SNX3: variants seen among roughly 807,000 people sequenced by gnomAD.
SNX3 encodes sorting nexin-3.
In SNX3, 5 loss-of-function variants were observed where a neutral mutation model predicts 17.7. The ratio of observed to expected loss-of-function variants is 0.28; its 90% CI spans 0.15 to 0.59. SNX3 has a LOEUF of 0.59. Ranked by LOEUF, SNX3 falls within the 20% of genes least tolerant of loss-of-function variation. SNX3 has a pLI of 0.88. For synonymous variants in SNX3, 91 were observed against 76.5 expected (o/e 1.19, Z -0.99); for missense variants, 132 against 206.8 (o/e 0.64, Z 2.22).
intron 1 of SNX3, among the ~76,000 whole-genome samples, chr6:108,239,217 T>C (rs1775445572): frequency 6.6e-6 from 1 of 152,152 alleles, no homozygotes; most frequent in Non-Finnish European, 1.5e-5. Flanking sequence ...ACACCTTTTC[T>C]GATTCCTGGA....
At chr6:108,216,960 G>C (rs1774604118) in intron 2 of SNX3, among the ~76,000 whole-genome samples, 1 of 152,144 alleles carries the variant, frequency 6.6e-6, no homozygotes, top group Admixed American at 6.5e-5. Context: ...TTAGTTGAGA[G>C]TTAAAATCTG....
chr6:108,240,967 C>T (rs1775499978), intron 1 of SNX3, among the ~76,000 whole-genome samples: 1 of 151,436 alleles, frequency 6.6e-6, no homozygotes, highest in South Asian at 2.1e-4. Flanking sequence ...ACGGTGAAAC[C>T]CTGTCTCTAC....
intron 1 of SNX3, among the ~76,000 whole-genome samples, chr6:108,244,463 CTGTTTGTTT>C (rs1775621352): frequency 6.6e-6 from 1 of 151,960 alleles, no homozygotes; most frequent in African/African-American, 2.4e-5. Flanking sequence ...CCCCTCCATA[CTGTTTGTTT>C]CCATATTTAT....
At position 108,212,092 on chromosome 6, in the gene SNX3, C is replaced by T. The variant is rs1774423272; in HGVS notation, c.*57G>A. ...TGCAGCATGCTAAAAGTTAGAACTT[C>T]TTCACTGGTGCTTATCAATCATTAA... On this transcript the variant is annotated 3_prime_UTR_variant, in exon 4 of 4. Transcript: ENST00000230085. The T allele has an allele frequency of 1.1e-6, 1 of 898,090 alleles. No individual in the cohort carries two copies. The highest frequency in any genetic ancestry group is 1.8e-6 in the Non-Finnish European group (1 of 562,794). 55.6% of individuals were successfully genotyped at this position (898,090 alleles called of 1,614,324 possible). A position where few individuals can be genotyped will look rare whatever the true frequency, so the allele number is the denominator to read the frequency against.
chr6:108,250,923 C>T (rs1775837711), intron 1 of SNX3, among the ~76,000 whole-genome samples: 1 of 152,324 alleles, frequency 6.6e-6, no homozygotes, highest in South Asian at 2.1e-4. Context: ...TAATTCTCTA[C>T]TTCTCTGCTA....
rs184986258 is a variant in SNX3, at chr6:108,234,772, G to T, written c.163-11727C>A. 8.0e-4 allele frequency among the ~76,000 whole-genome samples: 121 copies of T among 152,118 alleles called. 2 individuals carry two copies. In the East Asian group the frequency reaches 0.021, roughly 27 times the overall value. On this transcript the variant is annotated intron_variant, in intron 1 of 3. Transcript: ENST00000230085. ...CATGATTATATACAGACATCCCTGG[G>T]TGAGAGGCTGTATAGTACAATGATG...
intron 1 of SNX3, among the ~76,000 whole-genome samples, chr6:108,248,388 C>G (rs773712111): frequency 6.6e-6 from 1 of 152,202 alleles, no homozygotes; most frequent in Non-Finnish European, 1.5e-5. Context: ...TCAGAGAAAT[C>G]TAGCCCTGTT....
At chr6:108,257,645 T>C (rs1776069674) in intron 1 of SNX3, among the ~76,000 whole-genome samples, 1 of 152,244 alleles carries the variant, frequency 6.6e-6, no homozygotes, top group Admixed American at 6.5e-5. Flanking sequence ...ATGGTGTCCT[T>C]AGTTTTAAGT....
chr6:108,222,050 C>T (rs994022278), intron 2 of SNX3, among the ~76,000 whole-genome samples: 20 of 152,144 alleles, frequency 1.3e-4, no homozygotes, highest in African/African-American at 4.3e-4. Flanking sequence ...AGCCACCATG[C>T]CCGGCCTTCT....
chr6:108,252,740 C>A (rs1050094985), intron 1 of SNX3, among the ~76,000 whole-genome samples: 1 of 152,000 alleles, frequency 6.6e-6, no homozygotes, highest in South Asian at 2.1e-4. Context: ...CCAAGGTTCA[C>A]GCAATCTTTG....
chr6:108,215,737 G>A (rs1774547930), intron 2 of SNX3, among the ~76,000 whole-genome samples: 1 of 152,002 alleles, frequency 6.6e-6, no homozygotes, highest in Non-Finnish European at 1.5e-5. Flanking sequence ...TTGAGGCCAG[G>A]AATTTGACAC....
intron 1 of SNX3, among the ~76,000 whole-genome samples, chr6:108,248,633 G>A (rs1775761252): frequency 6.6e-6 from 1 of 152,148 alleles, no homozygotes; most frequent in African/African-American, 2.4e-5. Context: ...CTCTAAAACT[G>A]CAATTTATCC....
intron 2 of SNX3, among the ~76,000 whole-genome samples, chr6:108,218,407 A>G: frequency 6.6e-6 from 1 of 152,248 alleles, no homozygotes; most frequent in Admixed American, 6.5e-5. Context: ...GGAGAAAAGT[A>G]GAACCTCACA....
chr6:108,228,542 G>GT (rs1775041468), intron 1 of SNX3, among the ~76,000 whole-genome samples: 1 of 147,250 alleles, frequency 6.8e-6, no homozygotes, highest in South Asian at 2.1e-4. Context: ...GCGAAACTCT[G>GT]TTTAAAAAAA....
intron 1 of SNX3, among the ~76,000 whole-genome samples, chr6:108,253,554 C>T (rs962391884): frequency 6.6e-6 from 1 of 152,092 alleles, no homozygotes. Flanking sequence ...GATTGGTATG[C>T]TTTCAGTTAA....
At chr6:108,216,974 G>A (rs1235875732) in intron 2 of SNX3, among the ~76,000 whole-genome samples, 1 of 152,142 alleles carries the variant, frequency 6.6e-6, no homozygotes, top group South Asian at 2.1e-4. Flanking sequence ...AAATCTGCAG[G>A]GACCTTCTAT....
At chr6:108,217,355 G>A (rs904939578) in intron 2 of SNX3, among the ~76,000 whole-genome samples, 1 of 152,022 alleles carries the variant, frequency 6.6e-6, no homozygotes, top group African/African-American at 2.4e-5. Flanking sequence ...GAGGTGGTAG[G>A]CAACAGGATT....
chr6:108,252,835 G>A (rs1422529738), intron 1 of SNX3, among the ~76,000 whole-genome samples: 2 of 151,950 alleles, frequency 1.3e-5, no homozygotes, highest in Non-Finnish European at 2.9e-5. Context: ...ATGGGGTTTT[G>A]CCATGTTGGT....
At chr6:108,223,106 G>T in intron 1 of SNX3, 61 bp from the exon 2 acceptor site, 1 of 838,158 alleles carries the variant, frequency 1.2e-6, no homozygotes, top group Non-Finnish European at 2.0e-6. Context: ...AAAAAATGGG[G>T]GGACGGGTAT....
Sources: allele counts gnomAD v4.1 joint callset (sites outside exome capture counted in the v4.1 genomes callset), GRCh38; gene constraint gnomAD v4.1.1; transcripts MANE v1.5; gene names NCBI Gene and HGNC (gene_info 2026-07-23, HGNC 2026-07-21).